EHF: variants seen among roughly 807,000 people sequenced by gnomAD.
The protein encoded by EHF is ESE3 transcription factor.
EHF carries 14 observed loss-of-function variants against 45.1 expected under a neutral mutation model. The ratio of observed to expected loss-of-function variants is 0.31; its 90% CI spans 0.21 to 0.49. The LOEUF is 0.49. EHF is among the 20% of genes least tolerant of loss of function. The pLI is 0.99. For synonymous variants in EHF, 136 were observed against 131.8 expected, an observed-to-expected ratio of 1.03 and a Z score of -0.22; for missense variants, 282 against 371.4, an observed-to-expected ratio of 0.76 and a Z score of 1.98.
chr11:34,640,911 G>A (rs1853935531), intron 1 of EHF, among the ~76,000 whole-genome samples: 1 of 152,178 alleles, frequency 6.6e-6, no homozygotes, highest in Admixed American at 6.5e-5. Flanking sequence ...TCGAGGTACA[G>A]AAACTCATTT....
rs561636493 is a variant in EHF at position 34,660,824 on chromosome 11, T to A, written c.*1893T>A. On this transcript the variant is annotated 3_prime_UTR_variant, in exon 9 of 9. Transcript: ENST00000257831. ...GTCATACCTGGTAGAGGTGAGCAATTCATATTCAAAGGTTGCAAAGTGTTT... is the reference window on the plus strand; with the variant it reads ...GTCATACCTGGTAGAGGTGAGCAATACATATTCAAAGGTTGCAAAGTGTTT... 1 of 152,252 alleles carries A rather than the reference T, an allele frequency of 6.6e-6. No individual in the cohort carries two copies. The highest frequency in any genetic ancestry group is 6.5e-5 in the Admixed American group (1 of 15,270). 9.4% of individuals were successfully genotyped at this position (152,252 alleles called of 1,614,324 possible). A position where few individuals can be genotyped will look rare whatever the true frequency, so the allele number is the denominator to read the frequency against.
At chr11:34,636,013 G>C (rs1408693598) in intron 1 of EHF, among the ~76,000 whole-genome samples, 2 of 152,130 alleles carry the variant, frequency 1.3e-5, no homozygotes, top group African/African-American at 4.8e-5. Context: ...CTAGTCCTAG[G>C]CTCCACTGTG....
chr11:34,623,218 T>G (rs1241416633), intron 1 of EHF, among the ~76,000 whole-genome samples: 1 of 152,074 alleles, frequency 6.6e-6, no homozygotes, highest in East Asian at 1.9e-4. Context: ...CCCGAGTAGC[T>G]GGGATTACAT....
intron 1 of EHF, among the ~76,000 whole-genome samples, chr11:34,626,618 T>C (rs1852397915): frequency 6.6e-6 from 1 of 152,218 alleles, no homozygotes; most frequent in Admixed American, 6.5e-5. Context: ...TCTGTCTTGA[T>C]CATGCCCACT....
At chr11:34,645,795 T>C (rs950560690) in intron 2 of EHF, among the ~76,000 whole-genome samples, 3 of 152,216 alleles carry the variant, frequency 2.0e-5, no homozygotes, top group African/African-American at 7.2e-5. Flanking sequence ...AGAGCCTCAA[T>C]GCCTAGCTAG....
intron 1 of EHF, chr11:34,632,591 TG>T (rs1852997964): frequency 9.1e-6 from 14 of 1,535,560 alleles, no homozygotes; most frequent in Non-Finnish European, 1.1e-5. Flanking sequence ...GGCAAGGGCA[TG>T]GGGTTGCCGG....
intron 3 of EHF, 172 bp downstream of exon 3, chr11:34,646,856 C>A (rs1854599831): frequency 1.3e-6 from 1 of 796,844 alleles, no homozygotes; most frequent in Non-Finnish European, 2.0e-6. Context: ...AGGATTGAAG[C>A]ATAGGGTACC....
intron 2 of EHF, among the ~76,000 whole-genome samples, chr11:34,643,105 C>G (rs1011933579): frequency 6.8e-6 from 1 of 147,036 alleles, no homozygotes; most frequent in Admixed American, 6.7e-5. Flanking sequence ...TGTATGTGCG[C>G]GTGCATGGAG....
intron 2 of EHF, 28 bp from the exon 3 acceptor site, chr11:34,646,411 A>G: frequency 6.2e-7 from 1 of 1,612,644 alleles, no homozygotes; most frequent in Non-Finnish European, 8.5e-7. Flanking sequence ...GCCAGGGGTC[A>G]CTCATGAGGC....
intron 1 of EHF, chr11:34,631,574 G>A: frequency 3.0e-6 from 3 of 985,040 alleles, no homozygotes; most frequent in Non-Finnish European, 3.6e-6. Flanking sequence ...CCTGGGACCT[G>A]AGGCCTCAAA....
At chr11:34,630,967 T>G (rs1165034464) in intron 1 of EHF, among the ~76,000 whole-genome samples, 2 of 152,148 alleles carry the variant, frequency 1.3e-5, no homozygotes, top group Non-Finnish European at 2.9e-5. Context: ...TCTGGGGAAA[T>G]GTTGCATGTT....
chr11:34,632,389 G>T, intron 1 of EHF: 1 of 1,290,624 alleles, frequency 7.7e-7, no homozygotes, highest in East Asian at 2.7e-5. Flanking sequence ...TGGGTTTTAT[G>T]TTAACAACCT....
rs775615807 is a variant in EHF, at chr11:34,661,848, G to A, written c.*2917G>A. On this transcript the variant is annotated 3_prime_UTR_variant, in exon 9 of 9. Coordinates refer to ENST00000257831, the MANE Select transcript of EHF (RefSeq NM_012153.6). Reference sequence around the variant, plus strand: ...CCCCCCGTATGCCTGAGTTGAAAGGGCTCTCTCTTATTAGGTTTTCATGGG... The same window carrying A: ...CCCCCCGTATGCCTGAGTTGAAAGGACTCTCTCTTATTAGGTTTTCATGGG... 6.6e-6 allele frequency among the ~76,000 whole-genome samples: 1 copy of A among 152,044 alleles called. No individual in the cohort carries two copies. Among genetic ancestry groups the A allele is most frequent in the Non-Finnish European group, 1.5e-5 (1 of 67,992 alleles).
At chr11:34,635,616 C>G (rs928836386) in intron 1 of EHF, among the ~76,000 whole-genome samples, 1 of 151,550 alleles carries the variant, frequency 6.6e-6, no homozygotes, top group African/African-American at 2.4e-5. Context: ...TGAGCATTCT[C>G]TGTGCTAAGG....
At chr11:34,632,323 A>C in intron 1 of EHF, 2 of 568,248 alleles carry the variant, frequency 3.5e-6, no homozygotes, top group East Asian at 7.0e-5. Flanking sequence ...TCTGGGAGGT[A>C]TTCAGAAGAT....
intron 4 of EHF, among the ~76,000 whole-genome samples, chr11:34,650,290 G>A (rs774152324): frequency 2.7e-4 from 41 of 152,298 alleles, no homozygotes; most frequent in Non-Finnish European, 5.4e-4. Context: ...CTAGGAGGAG[G>A]GGAGAAGAAG....
At chr11:34,623,391 G>GGCC in intron 1 of EHF, among the ~76,000 whole-genome samples, 2 of 152,060 alleles carry the variant, frequency 1.3e-5, no homozygotes, top group African/African-American at 4.8e-5. Context: ...CAGCCATATT[G>GGCC]TTTTCATTTT....
At chr11:34,621,587 G>C (rs1241693043) in intron 1 of EHF, among the ~76,000 whole-genome samples, 1 of 152,236 alleles carries the variant, frequency 6.6e-6, no homozygotes, top group Non-Finnish European at 1.5e-5. Context: ...ATATAGCTCA[G>C]AGAAGAAGTG....
intron 1 of EHF, among the ~76,000 whole-genome samples, chr11:34,637,905 T>G (rs1853602751): frequency 6.6e-6 from 1 of 151,760 alleles, no homozygotes; most frequent in South Asian, 2.1e-4. Flanking sequence ...ACTCCTTTTT[T>G]TTTTTTTCCT....
Sources: allele counts gnomAD v4.1 joint callset (sites outside exome capture counted in the v4.1 genomes callset), GRCh38; gene constraint gnomAD v4.1.1; transcripts MANE v1.5; gene names NCBI Gene and HGNC (gene_info 2026-07-23, HGNC 2026-07-21).